The following CNTNAP2 variants were observed in gnomAD, a reference collection of about 807,000 sequenced individuals.
CNTNAP2 encodes contactin-associated protein-like 2.
A neutral mutation model predicts 155.2 loss-of-function variants in CNTNAP2; 98 were observed. The ratio of observed to expected loss-of-function variants is 0.63; its 90% CI spans 0.54 to 0.75. The LOEUF (loss-of-function observed/expected upper bound fraction) is 0.75, where lower values mean the gene tolerates loss of function less well. Ranked by LOEUF, CNTNAP2 falls within the 30% of genes least tolerant of loss-of-function variation. The pLI is 0.00. For missense variants in CNTNAP2, 1,727 were observed against 1,688.1 expected, an observed-to-expected ratio of 1.02 and a Z score of -0.40; for synonymous variants, 651 against 631.2, an observed-to-expected ratio of 1.03 and a Z score of -0.47.
At chr7:146,876,943 T>C (rs1795441196) in intron 3 of CNTNAP2, among the ~76,000 whole-genome samples, 1 of 152,188 alleles carries the variant, frequency 6.6e-6, no homozygotes, top group African/African-American at 2.4e-5. Context: ...TTTATTTTCA[T>C]ATTTCACTAT....
intron 11 of CNTNAP2, among the ~76,000 whole-genome samples, chr7:147,554,706 T>TG (rs373064017): frequency 4.6e-5 from 7 of 152,112 alleles, no homozygotes; most frequent in African/African-American, 1.7e-4. Context: ...CAGGGAAAGA[T>TG]CATGACACAA....
intron 9 of CNTNAP2, among the ~76,000 whole-genome samples, chr7:147,310,751 A>T (rs988277867): frequency 6.6e-6 from 1 of 152,180 alleles, no homozygotes; most frequent in African/African-American, 2.4e-5. Flanking sequence ...TCAAAGAGAC[A>T]TGTTAAAAGC....
At chr7:147,635,206 A>ATATATATATAT (rs1795157010) in intron 12 of CNTNAP2, among the ~76,000 whole-genome samples, 4 of 149,862 alleles carry the variant, frequency 2.7e-5, no homozygotes, top group African/African-American at 7.4e-5. Context: ...ATATATGTTT[A>ATATATATATAT]ATTTTAATTA....
intron 13 of CNTNAP2, among the ~76,000 whole-genome samples, chr7:147,657,102 A>G (rs1355040472): frequency 1.3e-5 from 2 of 152,216 alleles, no homozygotes; most frequent in Non-Finnish European, 2.9e-5. Context: ...CTTCTATACT[A>G]TGTGGGGCAG....
chr7:146,222,679 C>T (rs1177775779), intron 1 of CNTNAP2, among the ~76,000 whole-genome samples: 4 of 137,192 alleles, frequency 2.9e-5, no homozygotes, highest in South Asian at 2.3e-4. Flanking sequence ...TTTTTTGAGA[C>T]GGAGTCTCGC....
At chr7:148,135,469 T>A (rs536433885) in intron 16 of CNTNAP2, among the ~76,000 whole-genome samples, 16 of 152,310 alleles carry the variant, frequency 1.1e-4, no homozygotes, top group African/African-American at 3.6e-4. Flanking sequence ...TAGCATACTA[T>A]CTATTTTAAG....
At chr7:147,729,971 T>C (rs1324443166) in intron 13 of CNTNAP2, among the ~76,000 whole-genome samples, 3 of 152,000 alleles carry the variant, frequency 2.0e-5, no homozygotes, top group Non-Finnish European at 4.4e-5. Context: ...AGTCAATGAA[T>C]TAAAAAATAA....
chr7:147,884,677 T>C (rs531474483), intron 13 of CNTNAP2, among the ~76,000 whole-genome samples: 1 of 152,338 alleles, frequency 6.6e-6, no homozygotes, highest in African/African-American at 2.4e-5. Flanking sequence ...TTTAGTGATT[T>C]CACTGTTTAT....
intron 8 of CNTNAP2, among the ~76,000 whole-genome samples, chr7:147,166,550 G>T (rs1447088548): frequency 6.6e-6 from 1 of 152,146 alleles, no homozygotes; most frequent in Admixed American, 6.5e-5. Flanking sequence ...AATAAAAAAT[G>T]TTAAGTTTCT....
chr7:148,360,619 G>A (rs1365223592), intron 21 of CNTNAP2, among the ~76,000 whole-genome samples: 2 of 152,114 alleles, frequency 1.3e-5, no homozygotes, highest in Non-Finnish European at 2.9e-5. Flanking sequence ...AGGCATTTAG[G>A]TAGTGCATGC....
At chr7:148,084,515 A>G (rs7794643) in intron 15 of CNTNAP2, among the ~76,000 whole-genome samples, 13,588 of 152,154 alleles carry the variant, frequency 0.089, 977 homozygotes, top group African/African-American at 0.2. Flanking sequence ...AAAATTCTTT[A>G]AAATCATTAT....
At chr7:147,392,820 C>T (rs1338272069) in intron 9 of CNTNAP2, among the ~76,000 whole-genome samples, 1 of 151,924 alleles carries the variant, frequency 6.6e-6, no homozygotes. Context: ...AGTGGATAAA[C>T]TATGGTATAT....
intron 21 of CNTNAP2, among the ~76,000 whole-genome samples, chr7:148,366,484 C>A (rs1294505630): frequency 6.6e-5 from 10 of 152,108 alleles, no homozygotes; most frequent in Admixed American, 6.5e-4. Context: ...GATTCCATAA[C>A]AAAGTTGATC....
intron 12 of CNTNAP2, among the ~76,000 whole-genome samples, chr7:147,637,065 G>A (rs1795192911): frequency 6.6e-6 from 1 of 152,158 alleles, no homozygotes; most frequent in Non-Finnish European, 1.5e-5. Context: ...ATTGACATGT[G>A]AGGGCATAGA....
chr7:146,371,365 G>GGTTTTT (rs1795231454), intron 1 of CNTNAP2, among the ~76,000 whole-genome samples: 1 of 98,538 alleles, frequency 1.0e-5, no homozygotes, highest in African/African-American at 4.5e-5. Flanking sequence ...GCCAGTATTA[G>GGTTTTT]TTTTTTTTTT....
At chr7:147,158,936 TA>T (rs1205853657) in intron 8 of CNTNAP2, among the ~76,000 whole-genome samples, 2 of 152,242 alleles carry the variant, frequency 1.3e-5, no homozygotes, top group Admixed American at 1.3e-4. Context: ...AACTGATGTA[TA>T]AAAGTTGTTT....
At chr7:148,149,373 T>C (rs1805254666) in intron 17 of CNTNAP2, among the ~76,000 whole-genome samples, 2 of 152,084 alleles carry the variant, frequency 1.3e-5, no homozygotes, top group Non-Finnish European at 2.9e-5. Context: ...ATCAGAATTC[T>C]ACAGAACCAT....
intron 15 of CNTNAP2, among the ~76,000 whole-genome samples, chr7:148,112,520 A>G (rs149608184): frequency 4.5e-4 from 68 of 152,116 alleles, no homozygotes; most frequent in African/African-American, 1.5e-3. Context: ...TCCTGAGCAC[A>G]AGGGATCCTC....
intron 18 of CNTNAP2, among the ~76,000 whole-genome samples, chr7:148,175,941 G>A (rs1486309957): frequency 6.6e-6 from 1 of 151,560 alleles, no homozygotes; most frequent in East Asian, 1.9e-4. Context: ...CCCTGTCTCT[G>A]TCTCTGTCTC....
Sources: gnomAD v4.1 joint callset for allele counts (sites outside exome capture counted in the v4.1 genomes callset) on GRCh38, gnomAD v4.1.1 for gene constraint, MANE v1.5 for transcripts, NCBI Gene and HGNC (gene_info 2026-07-23, HGNC 2026-07-21) for gene names.